DEPDC4: variants seen among roughly 807,000 people sequenced by gnomAD.
DEPDC4 encodes DEP domain containing 4.
Under a neutral mutation model 52.0 loss-of-function variants are expected in DEPDC4, and 52 were observed. That is an observed-to-expected ratio of 1.00 (90% CI 0.80 to 1.26). The LOEUF (loss-of-function observed/expected upper bound fraction) is 1.26, where lower values mean the gene tolerates loss of function less well. DEPDC4 is among the 50% of genes most tolerant of loss of function. The pLI, the probability that DEPDC4 is intolerant of heterozygous loss-of-function variation, is 0.00. For missense variants in DEPDC4, 530 were observed against 546.9 expected, an observed-to-expected ratio of 0.97 and a Z score of 0.31; for synonymous variants, 201 against 196.8, an observed-to-expected ratio of 1.02 and a Z score of -0.18.
chr12:100,257,975 TGATAGATAGATAGATAGATA>T (rs3054280), intron 3 of DEPDC4, among the ~76,000 whole-genome samples: 59 of 149,320 alleles, frequency 4.0e-4, no homozygotes, highest in East Asian at 8.0e-4. Flanking sequence ...TAAAATGTAT[TGATAGATAGATAGATAGATA>T]GATAGATAGA....
rs769056693 is a variant in DEPDC4, at chr12:100,263,811, CCTT to C, written c.237_239del (p.Arg81del). ...CTTTGTATGTCTGTAAATGATGCCT[CCTT>C]CTTTTTATTTCCACTTGGGCCTGAA... On this transcript the variant is annotated inframe_deletion, in exon 2 of 10. Coordinates refer to ENST00000550587, the MANE Select transcript of DEPDC4 (RefSeq NM_001364818.2). 11 of 1,614,144 alleles carry C rather than the reference CCTT, an allele frequency of 6.8e-6. No homozygotes were observed. The highest frequency in any genetic ancestry group is 2.2e-5 in the East Asian group (1 of 44,868).
chr12:100,252,031 T>C, intron 7 of DEPDC4, 145 bp downstream of exon 7: 1 of 721,230 alleles, frequency 1.4e-6, no homozygotes, highest in African/African-American at 1.9e-5. Flanking sequence ...CTTTCTTCTC[T>C]TTTGTGGGTG....
At position 100,249,015 on chromosome 12, in the gene DEPDC4, AT is replaced by A. The variant is rs147575928; in HGVS notation, c.1375-38del. ...AGGTATTTTCAAAATATTTAATATG[AT>A]TTTTTTCTAGCCAGCATTTCAACAT... On this transcript the variant is annotated intron_variant, in intron 7 of 9. Coordinates refer to ENST00000550587, the MANE Select transcript of DEPDC4 (RefSeq NM_001364818.2). 1,106 of 875,960 alleles carry A rather than the reference AT, an allele frequency of 1.3e-3. 8 individuals carry two copies. The African/African-American group carries it at 0.019, about 15-fold the overall frequency. 54.3% of individuals were successfully genotyped at this position (875,960 alleles called of 1,614,324 possible).
At chr12:100,244,093 GTGTATA>G (rs1243913430) in intron 8 of DEPDC4, among the ~76,000 whole-genome samples, 2,613 of 89,230 alleles carry the variant, frequency 0.029, 220 homozygotes, top group African/African-American at 0.058. Flanking sequence ...CTCTCTCTCT[GTGTATA>G]TATATATATA....
the DEPDC4 span, among the ~76,000 whole-genome samples, chr12:100,279,925 T>C: frequency 6.6e-6 from 1 of 152,378 alleles, no homozygotes; most frequent in Middle Eastern, 3.4e-3. Flanking sequence ...CAGCATAGCT[T>C]CATTCACTTT....
rs1184812672 is a variant in DEPDC4 at position 100,244,093 on chromosome 12, GTGTATATATATATATATATATATATATA to G, written c.1454-1552_1454-1525del. ...TCCCTCTCTCTCTCTCTCTCTCTCT[GTGTATATATATATATATATATATATATA>G]TATATATATATATACACAAAATACA... On this transcript the variant is annotated intron_variant, in intron 8 of 9. Transcript: ENST00000550587. Among the ~76,000 whole-genome samples, 262 of 89,330 alleles carry G rather than the reference GTGTATATATATATATATATATATATATA, an allele frequency of 2.9e-3. 2 individuals are homozygous for G. The highest frequency in any genetic ancestry group is 8.6e-3 in the African/African-American group (219 of 25,462). The allele number at this position is 89,330 out of a possible 152,430, so 58.6% of individuals were successfully genotyped here.
Position 100,255,262 on chromosome 12 carries a change from C to T in DEPDC4, c.878+787G>A, listed in dbSNP as rs374179815. On this transcript the variant is annotated intron_variant, in intron 4 of 9. Transcript: ENST00000550587. The stretch of plus-strand genomic sequence containing the variant: ...TCTTTTCTGGTGTCCCTATACTATC[C>T]CTGACTCAAGGGCAGGAAGACTCAG... Among the ~76,000 whole-genome samples the T allele has an allele frequency of 5.3e-5, 8 of 152,300 alleles. No homozygotes were observed. In the South Asian group the frequency reaches 1.4e-3, roughly 28 times the overall value.
intron 4 of DEPDC4, among the ~76,000 whole-genome samples, chr12:100,254,759 G>A (rs900054108): frequency 6.6e-6 from 1 of 150,790 alleles, no homozygotes; most frequent in Non-Finnish European, 1.5e-5. Context: ...GTCTTGCTAT[G>A]TCACCTAGCT....
At position 100,263,857 on chromosome 12, in the gene DEPDC4, T is replaced by C; in HGVS notation, c.194A>G (p.Asp65Gly). 1 of 1,612,814 alleles carries C rather than the reference T, an allele frequency of 6.2e-7. No homozygotes were observed. Among genetic ancestry groups the C allele is most frequent in the Non-Finnish European group, 8.5e-7 (1 of 1,179,410 alleles). Residue 65 changes from aspartate to glycine, a missense_variant, in exon 2 of 10, where the codon GAT becomes GGT. By Grantham distance (94) the Asp-to-Gly change is moderately conservative. Coordinates refer to ENST00000550587, the MANE Select transcript of DEPDC4 (RefSeq NM_001364818.2). ...SGPFQATQLW[D>G]GIIHSLQAQV... Reference sequence around the variant, plus strand: ...GGCCTGAAGAGAGTGAATAATACCATCCCATAGCTGAGTAGCTTGAAAAGG... The same window carrying C: ...GGCCTGAAGAGAGTGAATAATACCACCCCATAGCTGAGTAGCTTGAAAAGG...
chr12:100,262,526 C>T (rs1003433062), intron 2 of DEPDC4, 117 bp from the exon 3 acceptor site: 2 of 741,010 alleles, frequency 2.7e-6, no homozygotes, highest in Non-Finnish European at 3.9e-6. Context: ...AAAACGATTT[C>T]AGGCAGCTTA....
intron 9 of DEPDC4, among the ~76,000 whole-genome samples, chr12:100,233,331 C>T (rs966044495): frequency 6.6e-6 from 1 of 152,174 alleles, no homozygotes; most frequent in Non-Finnish European, 1.5e-5. Context: ...ATAAAATGTT[C>T]TCGGCAACCC....
rs967863446 is a variant in DEPDC4, at chr12:100,256,156, C to T, written c.771G>A (p.Leu257=). 1.2e-6 allele frequency: 2 copies of T among 1,612,782 alleles called. No individual in the cohort carries two copies. Among genetic ancestry groups the T allele is most frequent in the Non-Finnish European group, 1.7e-6 (2 of 1,179,146 alleles). Residue 257 remains leucine, a synonymous_variant, in exon 4 of 10, where the codon TTG becomes TTA. Transcript: ENST00000550587. ...LIHLPFLDNI[L]EPPVKTQNLQ... ...GATTTTGTGTTTTAACTGGAGGCTC[C>T]AAAATATTGTCCAAGAATGGAAGGT...
chr12:100,246,091 C>T (rs2096183981), intron 8 of DEPDC4, among the ~76,000 whole-genome samples: 1 of 151,146 alleles, frequency 6.6e-6, no homozygotes, highest in Non-Finnish European at 1.5e-5. Context: ...TCCCAAGCAG[C>T]TAGGACCACA....
intron 9 of DEPDC4, among the ~76,000 whole-genome samples, chr12:100,232,885 A>AAAAAC (rs199802902): frequency 2.4e-4 from 37 of 152,080 alleles, no homozygotes; most frequent in Admixed American, 1.2e-3. Flanking sequence ...ACTCCATCTC[A>AAAAAC]AAAACAAAAC....
In DEPDC4 at chr12:100,263,209, G is replaced by A. The variant is rs149042919; in HGVS notation, c.554+288C>T. ...ACTCCTGATCTCAAGTGATCTGTCCGTCTTGCCTCAGCGTGGGCCACCCTA... is the reference window on the plus strand; with the variant it reads ...ACTCCTGATCTCAAGTGATCTGTCCATCTTGCCTCAGCGTGGGCCACCCTA... On this transcript the variant is annotated intron_variant, in intron 2 of 9. Coordinates refer to ENST00000550587, the MANE Select transcript of DEPDC4 (RefSeq NM_001364818.2). Among the ~76,000 whole-genome samples the A allele has an allele frequency of 1.1e-3, 167 of 152,262 alleles. 1 individual carries two copies. In the East Asian group the frequency reaches 0.025, roughly 23 times the overall value.
the DEPDC4 span, among the ~76,000 whole-genome samples, chr12:100,280,770 A>G: frequency 6.6e-6 from 1 of 152,170 alleles, no homozygotes; most frequent in African/African-American, 2.4e-5. Flanking sequence ...TTGCTCAGGC[A>G]GTAAGTATAT....
chr12:100,253,789 C>A, intron 4 of DEPDC4, 74 bp from the exon 5 acceptor site: 1 of 841,958 alleles, frequency 1.2e-6, no homozygotes, highest in African/African-American at 1.8e-5. Flanking sequence ...TTTGATAAAA[C>A]ATGAAAAAAT....
chr12:100,232,676 G>A (rs2096136379), intron 9 of DEPDC4, among the ~76,000 whole-genome samples: 1 of 152,128 alleles, frequency 6.6e-6, no homozygotes, highest in South Asian at 2.1e-4. Flanking sequence ...CTGAGGTCGG[G>A]AGTTTGAGAC....
chr12:100,274,766 C>T, the DEPDC4 span, among the ~76,000 whole-genome samples: 1 of 152,194 alleles, frequency 6.6e-6, no homozygotes, highest in African/African-American at 2.4e-5. Flanking sequence ...GACTTGTTCT[C>T]AGGCAAATCA....
Sources: gnomAD v4.1 joint callset for allele counts (sites outside exome capture counted in the v4.1 genomes callset) on GRCh38, gnomAD v4.1.1 for gene constraint, MANE v1.5 for transcripts, NCBI Gene and HGNC (gene_info 2026-07-23, HGNC 2026-07-21) for gene names.